Variants in RBFOX1 observed in about 807,000 individuals in gnomAD.
RBFOX1 encodes RNA binding protein fox-1 homolog 1.
In RBFOX1, 8 loss-of-function variants were observed where a neutral mutation model predicts 57.7. That is an observed-to-expected ratio of 0.14 (90% CI 0.08 to 0.25). RBFOX1 has a LOEUF of 0.25. RBFOX1 is among the 10% of genes least tolerant of loss of function. The pLI, the probability that RBFOX1 is intolerant of heterozygous loss-of-function variation, is 1.00. For synonymous variants in RBFOX1, 326 were observed against 222.4 expected (o/e 1.47, Z -4.15); for missense variants, 611 against 548.5 (o/e 1.11, Z -1.14).
chr16:6,948,166 T>G (rs778412320), intron 3 of RBFOX1, among the ~76,000 whole-genome samples: 7 of 151,950 alleles, frequency 4.6e-5, no homozygotes, highest in Non-Finnish European at 8.8e-5. Flanking sequence ...GCATGGTGGC[T>G]CATACCTGTA....
chr16:6,600,505 G>A (rs77113400), intron 2 of RBFOX1, among the ~76,000 whole-genome samples: 4,249 of 152,224 alleles, frequency 0.028, 212 homozygotes, highest in African/African-American at 0.097. Flanking sequence ...CCCTTTATTT[G>A]CTTCAGCTGA....
chr16:6,884,564 T>C (rs2153351516), intron 3 of RBFOX1, among the ~76,000 whole-genome samples: 1 of 152,256 alleles, frequency 6.6e-6, no homozygotes, highest in Non-Finnish European at 1.5e-5. Flanking sequence ...AGACCTCAAA[T>C]ATGTTTTATT....
intron 3 of RBFOX1, among the ~76,000 whole-genome samples, chr16:5,635,864 G>A (rs77476738): frequency 7.2e-5 from 11 of 151,922 alleles, no homozygotes; most frequent in East Asian, 1.9e-4. Flanking sequence ...TTCATTTTTC[G>A]TGTTATAGAT....
intron 4 of RBFOX1, among the ~76,000 whole-genome samples, chr16:7,371,674 C>A (rs1389315813): frequency 6.6e-6 from 1 of 152,176 alleles, no homozygotes; most frequent in East Asian, 1.9e-4. Context: ...CGCTTGAACC[C>A]ATGGGGCGGA....
intron 3 of RBFOX1, among the ~76,000 whole-genome samples, chr16:6,849,947 C>G (rs879317260): frequency 6.6e-6 from 1 of 152,174 alleles, no homozygotes; most frequent in Admixed American, 6.5e-5. Context: ...GATTAGAAAG[C>G]TGGAGACTTT....
intron 2 of RBFOX1, among the ~76,000 whole-genome samples, chr16:5,581,413 T>C (rs1325002362): frequency 6.6e-6 from 1 of 152,240 alleles, no homozygotes; most frequent in Non-Finnish European, 1.5e-5. Context: ...GCTTGGTTCC[T>C]GGAGGGAGAA....
At position 6,731,066 on chromosome 16, in the gene RBFOX1, C is replaced by G. The variant is rs1455441816; in HGVS notation, c.-16+76416C>G. On this transcript the variant is annotated intron_variant, in intron 3 of 15. Coordinates refer to ENST00000550418, the MANE Select transcript of RBFOX1 (RefSeq NM_018723.4). ...CAGAAGCCAGATTATAAATTCCTAC[C>G]TCAGGAATATCCTTTACCTTTGGAA... 4.6e-5 allele frequency among the ~76,000 whole-genome samples: 7 copies of G among 152,122 alleles called. 1 individual carries two copies. The highest frequency in any genetic ancestry group is 1.9e-4 in the East Asian group (1 of 5,178).
At chr16:7,250,907 T>C (rs1165131832) in intron 4 of RBFOX1, among the ~76,000 whole-genome samples, 1 of 152,228 alleles carries the variant, frequency 6.6e-6, no homozygotes, top group Non-Finnish European at 1.5e-5. Flanking sequence ...ACAAAGATGG[T>C]ATACATTTAT....
chr16:6,232,948 T>G (rs1424327659), intron 1 of RBFOX1, among the ~76,000 whole-genome samples: 1 of 152,154 alleles, frequency 6.6e-6, no homozygotes, highest in African/African-American at 2.4e-5. Context: ...AATCAGGGTT[T>G]GAGAACTCTC....
chr16:6,394,139 G>A (rs1320035127), intron 2 of RBFOX1, among the ~76,000 whole-genome samples: 1 of 152,094 alleles, frequency 6.6e-6, no homozygotes, highest in Non-Finnish European at 1.5e-5. Context: ...TGTTTCTATT[G>A]CCAGCCCTGA....
At chr16:6,095,900 C>T (rs1229887054) in intron 1 of RBFOX1, among the ~76,000 whole-genome samples, 1 of 152,172 alleles carries the variant, frequency 6.6e-6, no homozygotes, top group Non-Finnish European at 1.5e-5. Flanking sequence ...CGTGCCTTCC[C>T]ACAGGCTCCC....
intron 2 of RBFOX1, among the ~76,000 whole-genome samples, chr16:6,554,725 GACACACACACACACACACACACAC>G (rs34699308): frequency 6.7e-6 from 1 of 148,166 alleles, no homozygotes; most frequent in Non-Finnish European, 1.5e-5. Context: ...AGTAGACACA[GACACACACACACACACACACACAC>G]ACACACACAG....
chr16:7,048,322 C>G (rs1205578248), intron 3 of RBFOX1, among the ~76,000 whole-genome samples: 1 of 152,046 alleles, frequency 6.6e-6, no homozygotes, highest in Admixed American at 6.6e-5. Flanking sequence ...TGCAGTGGCA[C>G]AATCTTGGCT....
At chr16:5,598,229 A>T (rs1037026194) in intron 2 of RBFOX1, among the ~76,000 whole-genome samples, 1 of 151,846 alleles carries the variant, frequency 6.6e-6, no homozygotes, top group Non-Finnish European at 1.5e-5. Context: ...GTCTCAAAAA[A>T]AAAAAAATAA....
intron 2 of RBFOX1, among the ~76,000 whole-genome samples, chr16:5,535,916 G>C (rs1483541895): frequency 6.6e-6 from 1 of 152,152 alleles, no homozygotes; most frequent in Non-Finnish European, 1.5e-5. Flanking sequence ...ACACTTTAAT[G>C]CTTCAAAGAG....
intron 2 of RBFOX1, among the ~76,000 whole-genome samples, chr16:5,514,481 G>A (rs1486605349): frequency 2.6e-5 from 4 of 152,196 alleles, no homozygotes; most frequent in African/African-American, 9.7e-5. Flanking sequence ...TTAAGGGGAA[G>A]GGGCAGTAAG....
At chr16:7,316,889 G>A (rs1434925783) in intron 4 of RBFOX1, among the ~76,000 whole-genome samples, 1 of 151,744 alleles carries the variant, frequency 6.6e-6, no homozygotes, top group Non-Finnish European at 1.5e-5. Flanking sequence ...AGACACATAA[G>A]GGCCAGAGAC....
chr16:7,209,636 C>G (rs1022780130), intron 4 of RBFOX1, among the ~76,000 whole-genome samples: 3 of 152,154 alleles, frequency 2.0e-5, no homozygotes, highest in Admixed American at 1.3e-4. Flanking sequence ...TTAAATTTTT[C>G]CTTTTTGAGC....
At chr16:7,085,939 C>G (rs933804607) in intron 4 of RBFOX1, among the ~76,000 whole-genome samples, 3 of 152,224 alleles carry the variant, frequency 2.0e-5, no homozygotes, top group Admixed American at 6.5e-5. Context: ...GATTCATGGG[C>G]TCTAAAATGT....
Sources: allele counts gnomAD v4.1 joint callset (sites outside exome capture counted in the v4.1 genomes callset), GRCh38; gene constraint gnomAD v4.1.1; transcripts MANE v1.5; gene names NCBI Gene and HGNC (gene_info 2026-07-23, HGNC 2026-07-21).